The following SAMSN1 variants were observed in gnomAD, a reference collection of about 807,000 sequenced individuals.
The protein encoded by SAMSN1 is SAM domain, SH3 domain and nuclear localization signals 1, also known as SAM domain-containing protein SAMSN-1.
Under a neutral mutation model 42.0 loss-of-function variants are expected in SAMSN1, and 31 were observed. The ratio of observed to expected loss-of-function variants is 0.74; its 90% CI spans 0.55 to 1.00. SAMSN1 has a LOEUF of 1.00. SAMSN1 is among the 50% of genes least tolerant of loss of function. The pLI is 0.00. For synonymous variants in SAMSN1, 178 were observed against 151.9 expected (o/e 1.17, Z -1.26); for missense variants, 464 against 439.4 (o/e 1.06, Z -0.50).
At chr21:14,652,423 A>C (rs1169794105) in intron 1 of SAMSN1, among the ~76,000 whole-genome samples, 1 of 152,098 alleles carries the variant, frequency 6.6e-6, no homozygotes, top group Admixed American at 6.6e-5. Context: ...AAAGATGTCA[A>C]GAACACACAC....
chr21:14,523,704 A>G (rs1433203295), intron 1 of SAMSN1, among the ~76,000 whole-genome samples: 4 of 152,172 alleles, frequency 2.6e-5, no homozygotes, highest in Admixed American at 6.5e-5. Context: ...ATAGCCTGTT[A>G]AATATTAATG....
chr21:14,589,449 G>A (rs879858044), intron 7 of SAMSN1, among the ~76,000 whole-genome samples: 3 of 151,832 alleles, frequency 2.0e-5, no homozygotes, highest in Non-Finnish European at 2.9e-5. Context: ...TTTATTTGGA[G>A]GTTAAATATG....
chr21:14,566,632 G>A (rs2123209721), intron 2 of SAMSN1, among the ~76,000 whole-genome samples: 1 of 152,116 alleles, frequency 6.6e-6, no homozygotes, highest in African/African-American at 2.4e-5. Flanking sequence ...CTGCCTCCCG[G>A]GTTCAAGCTA....
intron 7 of SAMSN1, among the ~76,000 whole-genome samples, chr21:14,494,499 T>G (rs940246488): frequency 1.3e-5 from 2 of 151,462 alleles, no homozygotes; most frequent in Middle Eastern, 3.4e-3. Flanking sequence ...CAAGTGGGAG[T>G]TGAACAATGA....
intron 7 of SAMSN1, among the ~76,000 whole-genome samples, chr21:14,590,045 T>C (rs1212950274): frequency 3.9e-5 from 6 of 152,198 alleles, no homozygotes; most frequent in Non-Finnish European, 1.5e-5. Flanking sequence ...AGTTTTCCGG[T>C]CTTATGACTC....
In SAMSN1 at chr21:14,498,521, G is replaced by T. The variant is rs1987002858; in HGVS notation, c.840C>A (p.His280Gln). ...GGTTTTCAATATTTAATTCAATGAG[G>T]TGACTCTCTTTTATATCTTTTAAAT... ...LEDLKDIKESHLIELNIENPD... is the reference protein window; with the variant it reads ...LEDLKDIKESQLIELNIENPD... The change falls in exon 7 of 8, where the codon CAC becomes CAA. Residue 280 changes from histidine to glutamine, a missense_variant. Coordinates refer to ENST00000400566, the MANE Select transcript of SAMSN1 (RefSeq NM_022136.5). The T allele has an allele frequency of 6.2e-7, 1 of 1,610,314 alleles. No homozygotes were observed. The highest frequency in any genetic ancestry group is 1.3e-5 in the African/African-American group (1 of 74,672).
chr21:14,586,568 A>T (rs768595296), upstream of SAMSN1, among the ~76,000 whole-genome samples: 1 of 152,200 alleles, frequency 6.6e-6, no homozygotes, highest in Non-Finnish European at 1.5e-5. Flanking sequence ...GTTTTTATCA[A>T]GTCTAATTCT....
At position 14,621,880 on chromosome 21, in the gene SAMSN1, G is replaced by A. The variant is rs759556361; in HGVS notation, c.157-5864C>T. Among the ~76,000 whole-genome samples, 62 of 152,280 alleles carry A rather than the reference G, an allele frequency of 4.1e-4. 1 individual carries two copies. Among genetic ancestry groups the A allele is most frequent in the Non-Finnish European group, 7.8e-4 (53 of 68,020 alleles). On this transcript the variant is annotated intron_variant, in intron 2 of 15. Coordinates refer to the SAMSN1 transcript ENST00000647101. ...CTAACTAGGAGGCACACCCCAGTAC[G>A]GGCAGACTGACACCCCACATGGCTG...
chr21:14,610,553 C>T (rs1341049179), intron 4 of SAMSN1, among the ~76,000 whole-genome samples: 1 of 152,132 alleles, frequency 6.6e-6, no homozygotes, highest in Non-Finnish European at 1.5e-5. Flanking sequence ...TGCACTCCCT[C>T]CTCTTTGAAA....
intron 1 of SAMSN1, among the ~76,000 whole-genome samples, chr21:14,537,310 T>C (rs982714868): frequency 3.3e-5 from 5 of 152,190 alleles, no homozygotes; most frequent in African/African-American, 1.2e-4. Context: ...CAGTCCTTTT[T>C]CCAATGTCCC....
rs376484996 is a variant in SAMSN1, at chr21:14,630,044, C to A, written c.156+12958G>T. Among the ~76,000 whole-genome samples the A allele has an allele frequency of 6.6e-5, 10 of 152,220 alleles. No homozygotes were observed. The East Asian group carries it at 1.2e-3, about 18-fold the overall frequency. On this transcript the variant is annotated intron_variant, in intron 2 of 15. Coordinates refer to the SAMSN1 transcript ENST00000647101. ...TTAATCTTCATAGCCACAAATGAAA[C>A]AAGAGCAAGCCAAGCAAACTTGCAA... is the stretch of plus-strand genomic sequence containing the variant.
At chr21:14,582,292 G>A in exon 2 of SAMSN1, 2 of 1,550,784 alleles carry the variant, frequency 1.3e-6, no homozygotes, top group East Asian at 2.4e-5. Context: ...GATGCCACAT[G>A]TAAGCTTCAC....
At chr21:14,531,146 G>A (rs1012476) in intron 1 of SAMSN1, among the ~76,000 whole-genome samples, 5 of 151,932 alleles carry the variant, frequency 3.3e-5, no homozygotes, top group Admixed American at 3.3e-4. Context: ...GAAGATGATG[G>A]TTTAAAAAAG....
chr21:14,501,844 G>T (rs1446626012), intron 5 of SAMSN1, among the ~76,000 whole-genome samples: 2 of 152,148 alleles, frequency 1.3e-5, no homozygotes, highest in African/African-American at 4.8e-5. Context: ...TATTAGTATG[G>T]ACAAACCAAT....
intron 7 of SAMSN1, among the ~76,000 whole-genome samples, chr21:14,486,624 A>G (rs1302030340): frequency 6.6e-6 from 1 of 152,216 alleles, no homozygotes; most frequent in East Asian, 1.9e-4. Flanking sequence ...TAGGACTTCA[A>G]TTATTTGGAA....
At chr21:14,581,237 G>T (rs1207818001) in intron 2 of SAMSN1, among the ~76,000 whole-genome samples, 1 of 150,674 alleles carries the variant, frequency 6.6e-6, no homozygotes, top group African/African-American at 2.4e-5. Context: ...GCAAGACCTA[G>T]GTTATAGGTC....
intron 1 of SAMSN1, among the ~76,000 whole-genome samples, chr21:14,583,039 A>C (rs1333768258): frequency 1.3e-5 from 2 of 152,216 alleles, no homozygotes; most frequent in Non-Finnish European, 2.9e-5. Flanking sequence ...TTCAAAAAAC[A>C]AGAACGACAA....
intron 2 of SAMSN1, among the ~76,000 whole-genome samples, chr21:14,569,155 C>T (rs973026301): frequency 5.9e-5 from 9 of 151,740 alleles, no homozygotes; most frequent in South Asian, 4.2e-4. Flanking sequence ...AATAGCTAGG[C>T]GTGTTGTTGC....
At chr21:14,658,640 G>C in intron 1 of SAMSN1, 1 of 662,770 alleles carries the variant, frequency 1.5e-6, no homozygotes, top group South Asian at 1.7e-5. Flanking sequence ...GAGATGCTAA[G>C]TGTATGAATA....
Sources: gnomAD v4.1 joint callset for allele counts (sites outside exome capture counted in the v4.1 genomes callset) on GRCh38, gnomAD v4.1.1 for gene constraint, MANE v1.5 for transcripts, NCBI Gene and HGNC (gene_info 2026-07-23, HGNC 2026-07-21) for gene names.